CDH13: variants seen among roughly 807,000 people sequenced by gnomAD.
CDH13 encodes cadherin-13.
CDH13 carries 24 observed loss-of-function variants against 63.8 expected under a neutral mutation model. That is an observed-to-expected ratio of 0.38 (90% confidence interval 0.27 to 0.53). The LOEUF (loss-of-function observed/expected upper bound fraction) is 0.53. Among genes scored for constraint, CDH13 ranks in the 20% least tolerant of loss-of-function variants. The pLI is 0.85. For missense variants in CDH13, 1,049 were observed against 903.1 expected (o/e 1.16, Z -2.07); for synonymous variants, 503 against 355.3 (o/e 1.42, Z -4.67).
intron 7 of CDH13, among the ~76,000 whole-genome samples, chr16:83,536,210 A>G (rs578197670): frequency 6.6e-6 from 1 of 152,232 alleles, no homozygotes; most frequent in Non-Finnish European, 1.5e-5. Context: ...AGTAAAAACC[A>G]ACAGTCATTG....
At chr16:83,784,295 C>T (rs1182638509) in intron 13 of CDH13, among the ~76,000 whole-genome samples, 2 of 152,044 alleles carry the variant, frequency 1.3e-5, no homozygotes, top group African/African-American at 4.8e-5. Flanking sequence ...TGGACATTCA[C>T]GTATATAAAG....
At chr16:83,671,862 G>A (rs935374953) in intron 9 of CDH13, among the ~76,000 whole-genome samples, 1 of 152,190 alleles carries the variant, frequency 6.6e-6, no homozygotes, top group African/African-American at 2.4e-5. Context: ...AAATATTAGT[G>A]GGGGTGGTAG....
intron 1 of CDH13, among the ~76,000 whole-genome samples, chr16:82,785,555 T>C (rs2035964256): frequency 6.6e-6 from 1 of 152,204 alleles, no homozygotes; most frequent in Non-Finnish European, 1.5e-5. Flanking sequence ...AAATGACTAA[T>C]TAATCATGCA....
At chr16:82,708,099 G>C (rs1000584729) in intron 1 of CDH13, among the ~76,000 whole-genome samples, 2 of 152,162 alleles carry the variant, frequency 1.3e-5, no homozygotes, top group Non-Finnish European at 2.9e-5. Context: ...TCATGTGTAT[G>C]TCTGCTTTTC....
At chr16:82,651,892 CT>C (rs1269072069) in intron 1 of CDH13, among the ~76,000 whole-genome samples, 2 of 152,194 alleles carry the variant, frequency 1.3e-5, no homozygotes, top group Non-Finnish European at 2.9e-5. Context: ...GTTGGATAGG[CT>C]GCTAGGTCAG....
Position 82,691,438 on chromosome 16 carries a change from C to A in CDH13, c.45+64301C>A, listed in dbSNP as rs9922447. 4.0e-3 allele frequency among the ~76,000 whole-genome samples: 601 copies of A among 152,084 alleles called. 3 individuals are homozygous for A. Among genetic ancestry groups the A allele is most frequent in the Middle Eastern group, 6.8e-3 (2 of 292 alleles). On this transcript the variant is annotated intron_variant, in intron 1 of 13. Transcript: ENST00000567109. ...GGGTGAAAGTTGGTGAATGGGTGTC[C>A]CAGCCTCCCTGCCCTTTGGTGGGAC... is the stretch of plus-strand genomic sequence containing the variant.
intron 10 of CDH13, among the ~76,000 whole-genome samples, chr16:83,692,400 G>A (rs1322375104): frequency 6.6e-6 from 1 of 152,146 alleles, no homozygotes; most frequent in South Asian, 2.1e-4. Flanking sequence ...TAGCACAGAG[G>A]CTCTTCCTGC....
chr16:83,626,246 G>A (rs1432113675), intron 8 of CDH13, among the ~76,000 whole-genome samples: 1 of 152,116 alleles, frequency 6.6e-6, no homozygotes, highest in Non-Finnish European at 1.5e-5. Context: ...CGTTGTAATT[G>A]TTTCATGACC....
At chr16:82,651,853 G>A (rs779909000) in intron 1 of CDH13, among the ~76,000 whole-genome samples, 1 of 152,182 alleles carries the variant, frequency 6.6e-6, no homozygotes, top group Admixed American at 6.5e-5. Flanking sequence ...TTGGACCTTG[G>A]GATTTAGGAC....
intron 5 of CDH13, among the ~76,000 whole-genome samples, chr16:83,329,703 A>C (rs910429106): frequency 2.6e-5 from 4 of 152,164 alleles, no homozygotes; most frequent in African/African-American, 9.7e-5. Flanking sequence ...TGTCCTTGAG[A>C]GTCACCATTC....
intron 10 of CDH13, among the ~76,000 whole-genome samples, chr16:83,709,170 C>G (rs1410960909): frequency 6.6e-6 from 1 of 152,194 alleles, no homozygotes; most frequent in Non-Finnish European, 1.5e-5. Flanking sequence ...GCAGGCATCT[C>G]TAGATTCTGG....
chr16:83,401,228 C>T (rs957835860), intron 6 of CDH13, among the ~76,000 whole-genome samples: 5 of 151,686 alleles, frequency 3.3e-5, no homozygotes, highest in African/African-American at 9.7e-5. Flanking sequence ...ATCCCAGCTA[C>T]TTTGGGGGGC....
intron 2 of CDH13, among the ~76,000 whole-genome samples, chr16:82,979,776 C>T (rs1729463681): frequency 6.6e-6 from 1 of 152,208 alleles, no homozygotes; most frequent in South Asian, 2.1e-4. Flanking sequence ...CTTTTTCCTG[C>T]CTTGCTTTTT....
intron 7 of CDH13, among the ~76,000 whole-genome samples, chr16:83,535,340 AG>A (rs1400913564): frequency 2.0e-5 from 3 of 152,268 alleles, no homozygotes; most frequent in African/African-American, 7.2e-5. Context: ...TCTCAAAAAA[AG>A]GAGTGATAAG....
At chr16:82,846,212 A>C (rs1438179681) in intron 1 of CDH13, among the ~76,000 whole-genome samples, 1 of 152,158 alleles carries the variant, frequency 6.6e-6, no homozygotes, top group Non-Finnish European at 1.5e-5. Flanking sequence ...AGTTTCAATC[A>C]TCTTTCTAAT....
intron 1 of CDH13, among the ~76,000 whole-genome samples, chr16:82,657,931 G>A (rs1397763805): frequency 6.6e-6 from 1 of 152,092 alleles, no homozygotes; most frequent in Non-Finnish European, 1.5e-5. Context: ...TACTGCATTA[G>A]CTAGGACTTC....
chr16:83,582,105 G>C (rs560589202), intron 7 of CDH13, among the ~76,000 whole-genome samples: 14 of 152,280 alleles, frequency 9.2e-5, no homozygotes, highest in South Asian at 2.1e-4. Flanking sequence ...GGGTTGTCAG[G>C]GGGGTGGTTA....
At chr16:82,929,787 C>G (rs1205308648) in intron 2 of CDH13, among the ~76,000 whole-genome samples, 2 of 149,156 alleles carry the variant, frequency 1.3e-5, no homozygotes, top group Admixed American at 1.4e-4. Flanking sequence ...AAATAAATTT[C>G]TGCTGTTAAA....
At chr16:83,340,476 A>G (rs1409812158) in intron 5 of CDH13, among the ~76,000 whole-genome samples, 6 of 152,106 alleles carry the variant, frequency 3.9e-5, no homozygotes, top group Admixed American at 3.9e-4. Flanking sequence ...AGCTTATTTT[A>G]TTTTCCTATA....
Sources: allele counts gnomAD v4.1 joint callset (sites outside exome capture counted in the v4.1 genomes callset), GRCh38; gene constraint gnomAD v4.1.1; transcripts MANE v1.5; gene names NCBI Gene and HGNC (gene_info 2026-07-23, HGNC 2026-07-21).